NRXN3: variants seen among roughly 807,000 people sequenced by gnomAD.
NRXN3 encodes the protein neurexin III.
In NRXN3, 32 loss-of-function variants were observed where a neutral mutation model predicts 137.6. The ratio of observed to expected loss-of-function variants is 0.23; its 90% CI spans 0.18 to 0.31. The LOEUF is 0.31. Among genes scored for constraint, NRXN3 ranks in the 10% least tolerant of loss-of-function variants. NRXN3 has a pLI of 1.00. For synonymous variants in NRXN3, 798 were observed against 784.5 expected (o/e 1.02, Z -0.29); for missense variants, 1,574 against 2,062.5 (o/e 0.76, Z 4.59).
rs1213081447 is a variant in NRXN3 at position 78,943,622 on chromosome 14, ATATATATATATATATATATATATATAT to A, written c.2276-13619_2276-13593del. On this transcript the variant is annotated intron_variant, in intron 10 of 20. Coordinates refer to ENST00000335750, the MANE Select transcript of NRXN3 (RefSeq NM_001330195.2). ...GCAAGATCACTGTTAAAAAAAAAAA[ATATATATATATATATATATATATATAT>A]ATATATATATATATATATATATATA... 4.9e-3 allele frequency among the ~76,000 whole-genome samples: 118 copies of A among 24,276 alleles called. 11 individuals are homozygous for A. The highest frequency in any genetic ancestry group is 0.046 in the East Asian group (52 of 1,136). 15.9% of individuals were successfully genotyped at this position (24,276 alleles called of 152,430 possible).
chr14:79,636,284 A>G (rs551756841), intron 16 of NRXN3, among the ~76,000 whole-genome samples: 1 of 152,352 alleles, frequency 6.6e-6, no homozygotes, highest in South Asian at 2.1e-4. Flanking sequence ...TCAGAATATC[A>G]GTACGATGGT....
rs115148083 is a variant in NRXN3, at chr14:79,345,376, G to A, written c.3263-121845G>A. ...GGGTAAGGGAAATTGATATTACACC[G>A]ATTCTGTCCTCAGCACCAGACTGTG... is the stretch of plus-strand genomic sequence containing the variant. On this transcript the variant is annotated intron_variant, in intron 15 of 20. Coordinates refer to ENST00000335750, the MANE Select transcript of NRXN3 (RefSeq NM_001330195.2). Among the ~76,000 whole-genome samples the A allele has an allele frequency of 6.8e-3, 1,033 of 152,258 alleles. 10 individuals are homozygous for A. The highest frequency in any genetic ancestry group is 0.024 in the African/African-American group (996 of 41,546).
intron 19 of NRXN3, among the ~76,000 whole-genome samples, chr14:79,720,643 T>C (rs1018785555): frequency 6.6e-6 from 1 of 152,094 alleles, no homozygotes; most frequent in African/African-American, 2.4e-5. Flanking sequence ...CATTTCCAAG[T>C]CTTCCCTACC....
chr14:78,499,822 G>A (rs34862011), intron 4 of NRXN3, among the ~76,000 whole-genome samples: 2,948 of 152,212 alleles, frequency 0.019, 50 homozygotes, highest in Non-Finnish European at 0.029. Flanking sequence ...GTTTCTTGCC[G>A]TGTGGGCTTT....
At chr14:78,634,316 A>G (rs1265475066) in intron 4 of NRXN3, among the ~76,000 whole-genome samples, 1 of 152,230 alleles carries the variant, frequency 6.6e-6, no homozygotes, top group African/African-American at 2.4e-5. Context: ...TGGCAACTTT[A>G]GAATCACTGT....
chr14:78,954,957 C>A (rs1407061869), intron 10 of NRXN3, among the ~76,000 whole-genome samples: 1 of 152,078 alleles, frequency 6.6e-6, no homozygotes, highest in Non-Finnish European at 1.5e-5. Context: ...TTTTATATCT[C>A]TATAGGTACT....
At chr14:79,258,994 C>A (rs1279384968) in intron 15 of NRXN3, among the ~76,000 whole-genome samples, 1 of 152,138 alleles carries the variant, frequency 6.6e-6, no homozygotes, top group Non-Finnish European at 1.5e-5. Flanking sequence ...TTCAAACAGA[C>A]TTTGAGAGAC....
chr14:78,970,552 GTAAA>G (rs1261555285), intron 14 of NRXN3, among the ~76,000 whole-genome samples: 1 of 152,046 alleles, frequency 6.6e-6, no homozygotes, highest in Admixed American at 6.5e-5. Flanking sequence ...AAATTAAGGT[GTAAA>G]TAAATAAAGC....
chr14:79,837,325 A>G (rs186683372), intron 20 of NRXN3, among the ~76,000 whole-genome samples: 4 of 151,854 alleles, frequency 2.6e-5, no homozygotes, highest in South Asian at 2.1e-4. Context: ...TCCATTTCAT[A>G]TGTTTTACAG....
intron 4 of NRXN3, among the ~76,000 whole-genome samples, chr14:78,553,013 T>G (rs1048920092): frequency 6.6e-6 from 1 of 152,214 alleles, no homozygotes; most frequent in African/African-American, 2.4e-5. Context: ...AAAAATAATT[T>G]AAAACCCCAT....
chr14:79,296,372 C>T (rs1368510731), intron 15 of NRXN3, among the ~76,000 whole-genome samples: 1 of 150,760 alleles, frequency 6.6e-6, no homozygotes, highest in African/African-American at 2.4e-5. Context: ...TGCTTCATAG[C>T]AGAAATAAAC....
intron 16 of NRXN3, among the ~76,000 whole-genome samples, chr14:79,568,925 G>A (rs534584290): frequency 6.6e-6 from 1 of 152,206 alleles, no homozygotes; most frequent in Non-Finnish European, 1.5e-5. Flanking sequence ...GCAGGGTAAA[G>A]GTAATTGTGT....
At chr14:78,609,423 C>T (rs190453801) in intron 4 of NRXN3, among the ~76,000 whole-genome samples, 24 of 152,242 alleles carry the variant, frequency 1.6e-4, no homozygotes, top group Middle Eastern at 3.4e-3. Context: ...CTGGCAAAAA[C>T]GGTCACACTA....
At position 78,232,102 on chromosome 14, in the gene NRXN3, G is replaced by A. The variant is rs1315659671; in HGVS notation, c.-703-10289G>A. ...CTGGCATCACATTGCTCTGCAGGAG[G>A]TGTGGTCTGTGCCTCATACCTGTGA... On this transcript the variant is annotated intron_variant, in intron 1 of 20. Transcript: ENST00000335750. Among the ~76,000 whole-genome samples the A allele has an allele frequency of 2.6e-5, 4 of 152,248 alleles. No individual in the cohort carries two copies. In the South Asian group the frequency reaches 8.3e-4, roughly 32 times the overall value.
intron 20 of NRXN3, among the ~76,000 whole-genome samples, chr14:79,839,933 T>A (rs2099352309): frequency 6.6e-6 from 1 of 152,212 alleles, no homozygotes. Context: ...GATGTATCAG[T>A]AAGATGATAA....
At chr14:79,209,091 A>G (rs1247785126) in intron 15 of NRXN3, among the ~76,000 whole-genome samples, 1 of 152,054 alleles carries the variant, frequency 6.6e-6, no homozygotes, top group Non-Finnish European at 1.5e-5. Context: ...GGCACGTGCC[A>G]CCACACCTGG....
chr14:78,975,121 A>T (rs1400498045), intron 14 of NRXN3, among the ~76,000 whole-genome samples: 4 of 152,206 alleles, frequency 2.6e-5, no homozygotes, highest in African/African-American at 9.6e-5. Flanking sequence ...ATGCTAGGAT[A>T]CTGCAGATGA....
chr14:78,814,558 T>C (rs1567392934), intron 10 of NRXN3, among the ~76,000 whole-genome samples: 1 of 152,174 alleles, frequency 6.6e-6, no homozygotes, highest in Admixed American at 6.5e-5. Flanking sequence ...GAGGTTGCAG[T>C]GTGCTGAGAT....
At chr14:78,731,956 A>T (rs1296035646) in intron 8 of NRXN3, among the ~76,000 whole-genome samples, 1 of 152,216 alleles carries the variant, frequency 6.6e-6, no homozygotes, top group Admixed American at 6.5e-5. Context: ...AAGCCACCCC[A>T]CAACTTTGTG....
Sources: allele counts gnomAD v4.1 joint callset (sites outside exome capture counted in the v4.1 genomes callset), GRCh38; gene constraint gnomAD v4.1.1; transcripts MANE v1.5; gene names NCBI Gene and HGNC (gene_info 2026-07-23, HGNC 2026-07-21).